The following CNTN4 variants were observed in gnomAD, a reference collection of about 807,000 sequenced individuals.
CNTN4 encodes contactin 4, also known as contactin-4.
In CNTN4, 77 loss-of-function variants were observed where a neutral mutation model predicts 122.5. That is an observed-to-expected ratio of 0.63 (90% CI 0.52 to 0.76). CNTN4 has a LOEUF of 0.76. Among genes scored for constraint, CNTN4 ranks in the 30% least tolerant of loss-of-function variants. The pLI is 0.00. For missense variants in CNTN4, 1,256 were observed against 1,259.1 expected (o/e 1.00, Z 0.04); for synonymous variants, 512 against 447.0 (o/e 1.15, Z -1.83).
intron 4 of CNTN4, among the ~76,000 whole-genome samples, chr3:2,625,778 A>G (rs1437693590): frequency 6.6e-6 from 1 of 152,142 alleles, no homozygotes; most frequent in Admixed American, 6.5e-5. Flanking sequence ...AATTTCTGCT[A>G]TGAATATTGT....
chr3:2,511,272 C>T (rs1482496240), intron 3 of CNTN4: 2 of 152,246 alleles, frequency 1.3e-5, no homozygotes, highest in Admixed American at 6.5e-5. Flanking sequence ...CGAAATCTAT[C>T]AACAGCTGTG....
At chr3:2,368,942 T>G (rs1355271170) in intron 3 of CNTN4, among the ~76,000 whole-genome samples, 3 of 152,152 alleles carry the variant, frequency 2.0e-5, no homozygotes, top group African/African-American at 4.8e-5. Flanking sequence ...ATTGTTTTTT[T>G]GAGATGGAGT....
intron 4 of CNTN4, among the ~76,000 whole-genome samples, chr3:2,651,196 T>C (rs2083342804): frequency 6.6e-6 from 1 of 152,158 alleles, no homozygotes; most frequent in African/African-American, 2.4e-5. Flanking sequence ...AACAGCTCCA[T>C]TCTTTCACCA....
intron 6 of CNTN4, among the ~76,000 whole-genome samples, chr3:2,760,383 T>C (rs983251216): frequency 6.6e-6 from 1 of 152,242 alleles, no homozygotes; most frequent in Admixed American, 6.5e-5. Flanking sequence ...AAGAATGATT[T>C]TTTTTTCAGA....
chr3:2,308,569 T>G (rs1213619176), intron 2 of CNTN4, among the ~76,000 whole-genome samples: 3 of 152,074 alleles, frequency 2.0e-5, no homozygotes, highest in Non-Finnish European at 4.4e-5. Context: ...ATCTTTTAAG[T>G]TTTGGCATAT....
chr3:2,827,562 C>G (rs1225945071), intron 7 of CNTN4, among the ~76,000 whole-genome samples: 1 of 152,096 alleles, frequency 6.6e-6, no homozygotes, highest in Non-Finnish European at 1.5e-5. Context: ...GATATATCTC[C>G]CAAGAGATTT....
intron 2 of CNTN4, among the ~76,000 whole-genome samples, chr3:2,242,907 A>G (rs546478979): frequency 6.6e-6 from 1 of 152,282 alleles, no homozygotes; most frequent in East Asian, 1.9e-4. Context: ...ACTGATATAG[A>G]TATTCCAAAG....
At chr3:2,430,004 C>A (rs1283676009) in intron 3 of CNTN4, among the ~76,000 whole-genome samples, 1 of 152,126 alleles carries the variant, frequency 6.6e-6, no homozygotes, top group Non-Finnish European at 1.5e-5. Context: ...ATTCCCGGAC[C>A]CCTTGCGCTT....
At chr3:2,916,918 G>A (rs1429491902) in intron 12 of CNTN4, among the ~76,000 whole-genome samples, 1 of 149,014 alleles carries the variant, frequency 6.7e-6, no homozygotes, top group Admixed American at 6.7e-5. Flanking sequence ...GGCAGAGGCT[G>A]CAGTCTCGGC....
At chr3:2,818,944 A>G (rs2092802767) in intron 6 of CNTN4, among the ~76,000 whole-genome samples, 1 of 152,202 alleles carries the variant, frequency 6.6e-6, no homozygotes, top group Admixed American at 6.5e-5. Flanking sequence ...GTATATATGG[A>G]GAGACAAGTA....
intron 3 of CNTN4, among the ~76,000 whole-genome samples, chr3:2,497,822 C>T (rs953432712): frequency 1.3e-5 from 2 of 152,094 alleles, no homozygotes; most frequent in Admixed American, 6.6e-5. Flanking sequence ...TTATCTTTCT[C>T]CCTCCACGGG....
intron 2 of CNTN4, among the ~76,000 whole-genome samples, chr3:2,129,520 A>C (rs1371058611): frequency 1.3e-5 from 2 of 152,124 alleles, no homozygotes; most frequent in South Asian, 2.1e-4. Flanking sequence ...GGGCATGTTT[A>C]TAGACTTTGA....
rs576863581 is a variant in CNTN4, at chr3:2,775,255, A to T, written c.358+29558A>T. ...TAGTGTTTTTATTTCCAGCCAGTTC[A>T]TTCTTATGAATCTGTTTTCAAGCCT... On this transcript the variant is annotated intron_variant, in intron 6 of 24. Coordinates refer to ENST00000418658, the MANE Select transcript of CNTN4 (RefSeq NM_175607.3). 4.8e-4 allele frequency among the ~76,000 whole-genome samples: 73 copies of T among 152,290 alleles called. 1 individual carries two copies. Among genetic ancestry groups the T allele is most frequent in the Non-Finnish European group, 9.4e-4 (64 of 68,022 alleles).
At chr3:2,397,675 T>C (rs2046690958) in intron 3 of CNTN4, among the ~76,000 whole-genome samples, 1 of 152,180 alleles carries the variant, frequency 6.6e-6, no homozygotes, top group Non-Finnish European at 1.5e-5. Flanking sequence ...TTGGGGGTTC[T>C]ATGAATGGAA....
At chr3:2,898,625 G>A (rs928729276) in intron 10 of CNTN4, among the ~76,000 whole-genome samples, 1 of 152,184 alleles carries the variant, frequency 6.6e-6, no homozygotes, top group African/African-American at 2.4e-5. Context: ...AGTGTTACAG[G>A]AAATCTATGA....
chr3:2,397,136 C>G (rs2046670710), intron 3 of CNTN4, among the ~76,000 whole-genome samples: 1 of 152,158 alleles, frequency 6.6e-6, no homozygotes, highest in Non-Finnish European at 1.5e-5. Context: ...TTTGGAACAT[C>G]TTGCATCTCT....
chr3:2,578,560 C>G (rs13090297), intron 4 of CNTN4, among the ~76,000 whole-genome samples: 13,968 of 152,234 alleles, frequency 0.092, 851 homozygotes, highest in Non-Finnish European at 0.13. Flanking sequence ...ATTCACAATT[C>G]TACCCATGTA....
At chr3:2,681,044 A>G (rs751959878) in intron 4 of CNTN4, among the ~76,000 whole-genome samples, 19 of 152,196 alleles carry the variant, frequency 1.2e-4, no homozygotes, top group Non-Finnish European at 2.5e-4. Context: ...CTTTTAGAAA[A>G]TGAGTCTTGA....
chr3:2,748,169 A>G (rs994980508), intron 6 of CNTN4, among the ~76,000 whole-genome samples: 2 of 152,202 alleles, frequency 1.3e-5, no homozygotes, highest in African/African-American at 2.4e-5. Flanking sequence ...AACTTTTTTC[A>G]GTTAATGAAG....
Sources: allele counts gnomAD v4.1 joint callset (sites outside exome capture counted in the v4.1 genomes callset), GRCh38; gene constraint gnomAD v4.1.1; transcripts MANE v1.5; gene names NCBI Gene and HGNC (gene_info 2026-07-23, HGNC 2026-07-21).